RTN4: variants seen among roughly 807,000 people sequenced by gnomAD.
The protein encoded by RTN4 is reticulon-4.
Under a neutral mutation model 90.4 loss-of-function variants are expected in RTN4, and 32 were observed. The ratio of observed to expected loss-of-function variants is 0.35; its 90% CI spans 0.27 to 0.48. The LOEUF (loss-of-function observed/expected upper bound fraction) is 0.48. Ranked by LOEUF, RTN4 falls within the 20% of genes least tolerant of loss-of-function variation. RTN4 has a pLI of 0.99. For missense variants in RTN4, 1,706 were observed against 1,430.2 expected, an observed-to-expected ratio of 1.19 and a Z score of -3.11; for synonymous variants, 629 against 552.5, an observed-to-expected ratio of 1.14 and a Z score of -1.94.
intron 2 of RTN4, among the ~76,000 whole-genome samples, chr2:55,071,047 A>T (rs1668503395): frequency 6.8e-6 from 1 of 148,060 alleles, no homozygotes; most frequent in African/African-American, 2.5e-5. Context: ...AAGTGCTGGG[A>T]TTACAGGCGT....
chr2:55,071,365 G>A (rs990307881), intron 2 of RTN4, among the ~76,000 whole-genome samples: 2 of 151,792 alleles, frequency 1.3e-5, no homozygotes, highest in Admixed American at 6.6e-5. Context: ...AACAACGAAA[G>A]GAGATGGAAA....
Position 55,026,589 on chromosome 2 carries a change from T to C in RTN4, c.1510A>G (p.Ile504Val). ...EKKIEEKKAQIVTEKNTSTKT... is the reference protein window; with the variant it reads ...EKKIEEKKAQVVTEKNTSTKT... ...GTGCTAGTATTCTTCTCTGTTACTA[T>C]TTGGGCCTTCTTTTCTTCTATTTTT... Residue 504 changes from isoleucine (I) to valine (V), a missense_variant, in exon 3 of 9, where the codon ATA becomes GTA. Transcript: ENST00000337526. 1.2e-6 allele frequency: 2 copies of C among 1,612,584 alleles called. No individual in the cohort carries two copies. The highest frequency in any genetic ancestry group is 1.7e-4 in the Middle Eastern group (1 of 6,056).
At chr2:54,983,252 T>G (rs569654704) in intron 4 of RTN4, among the ~76,000 whole-genome samples, 2 of 152,036 alleles carry the variant, frequency 1.3e-5, no homozygotes, top group Non-Finnish European at 2.9e-5. Context: ...ACATAAGAGT[T>G]ACATCATCTA....
rs936123936 is a variant in RTN4, at chr2:55,025,584, C to A, written c.2515G>T (p.Val839Phe). The A allele has an allele frequency of 1.9e-6, 3 of 1,613,684 alleles. No homozygotes were observed. The highest frequency in any genetic ancestry group is 1.1e-5 in the South Asian group (1 of 91,056). ...PLQMEELSTAVYSNDDLFISK... is the reference protein window; with the variant it reads ...PLQMEELSTAFYSNDDLFISK... ...ATAAATAAGTCATCATTTGAATAAA[C>A]TGCAGTACTGAGCTCCTCCATCTGC... is the stretch of plus-strand genomic sequence containing the variant. The change falls in exon 3 of 9, where the codon GTT becomes TTT. Residue 839 changes from valine (V) to phenylalanine (F), a missense_variant. Physicochemically the swap from Val to Phe is conservative, Grantham distance 50. Coordinates refer to ENST00000337526, the MANE Select transcript of RTN4 (RefSeq NM_020532.5).
chr2:55,000,102 T>A (rs1679744735), intron 3 of RTN4, among the ~76,000 whole-genome samples: 1 of 152,132 alleles, frequency 6.6e-6, no homozygotes, highest in South Asian at 2.1e-4. Context: ...ACACTGGTAC[T>A]AAAGCTCAAG....
upstream of RTN4, among the ~76,000 whole-genome samples, chr2:55,113,169 G>A (rs995988843): frequency 6.6e-6 from 1 of 152,164 alleles, no homozygotes; most frequent in Non-Finnish European, 1.5e-5. Flanking sequence ...AAAATAAAAA[G>A]GCCACCACCA....
chr2:55,125,913 T>C, the RTN4 span, among the ~76,000 whole-genome samples: 1 of 149,954 alleles, frequency 6.7e-6, no homozygotes, highest in African/African-American at 2.5e-5. Flanking sequence ...TACAAAAAAT[T>C]AGCCAGGCAT....
At chr2:54,986,136 A>C (rs1358891456) in intron 4 of RTN4, among the ~76,000 whole-genome samples, 1 of 152,192 alleles carries the variant, frequency 6.6e-6, no homozygotes, top group Non-Finnish European at 1.5e-5. Context: ...GGTAAATGAG[A>C]GACAAGACAA....
At chr2:55,084,680 G>C (rs72914511) in intron 1 of RTN4, among the ~76,000 whole-genome samples, 3 of 152,134 alleles carry the variant, frequency 2.0e-5, no homozygotes, top group African/African-American at 7.2e-5. Context: ...ACTAGAGTAA[G>C]TGTCAGAACT....
At chr2:55,028,460 T>C (rs771243513) in intron 1 of RTN4, among the ~76,000 whole-genome samples, 3 of 152,210 alleles carry the variant, frequency 2.0e-5, no homozygotes, top group African/African-American at 7.2e-5. Context: ...CAAGAGGCAA[T>C]ACAACCTGTT....
chr2:55,111,874 G>A (rs1009178911), intron 1 of RTN4, among the ~76,000 whole-genome samples: 1 of 152,128 alleles, frequency 6.6e-6, no homozygotes, highest in Non-Finnish European at 1.5e-5. Context: ...CCTGCCTTGT[G>A]ACCAGCTCTG....
chr2:55,004,133 T>G (rs1018197753), intron 3 of RTN4, among the ~76,000 whole-genome samples: 13 of 152,162 alleles, frequency 8.5e-5, no homozygotes, highest in Non-Finnish European at 1.9e-4. Flanking sequence ...TGACAATACC[T>G]GTACTAAATG....
At chr2:54,980,500 C>G (rs1678031601) in intron 5 of RTN4, among the ~76,000 whole-genome samples, 3 of 152,164 alleles carry the variant, frequency 2.0e-5, no homozygotes, top group Non-Finnish European at 1.5e-5. Context: ...TAGATTTATT[C>G]AAGAATGACA....
chr2:55,025,672 G>A lies in RTN4; in HGVS notation c.2427C>T (p.Asn809=). Reference sequence around the variant, plus strand: ...CATCAGGTAACAGGGTATCTTTTGTGTTATCTAAACTGAGCTTAAAAGATT... The same window carrying A: ...CATCAGGTAACAGGGTATCTTTTGTATTATCTAAACTGAGCTTAAAAGATT... The part of the protein sequence containing the change: ...YLESFKLSLD[N]TKDTLLPDEV... The change falls in exon 3 of 9, where the codon AAC becomes AAT. Residue 809 remains asparagine (N), a synonymous_variant. Transcript: ENST00000337526. 6.2e-7 allele frequency: 1 copy of A among 1,613,808 alleles called. No individual in the cohort carries two copies.
At chr2:55,126,442 T>C in the RTN4 span, among the ~76,000 whole-genome samples, 1 of 150,854 alleles carries the variant, frequency 6.6e-6, no homozygotes, top group East Asian at 1.9e-4. Context: ...ATATCACTGA[T>C]CATTAGAGAA....
chr2:55,028,292 C>A (rs1682058696), intron 1 of RTN4, 72 bp from the exon 2 acceptor site: 3 of 1,359,338 alleles, frequency 2.2e-6, no homozygotes, highest in Non-Finnish European at 3.1e-6. Flanking sequence ...ATAAGAGGAG[C>A]AAGCCAGGGT....
In RTN4 at chr2:55,027,095, A is replaced by G. The variant is rs1222333988; in HGVS notation, c.1004T>C (p.Val335Ala). Residue 335 changes from valine (V) to alanine (A), a missense_variant, in exon 3 of 9, where the codon GTT becomes GCT. Transcript: ENST00000337526. ...TTGATTATGAAGGATGTTATTACTA[A>G]CTAACTTCTCTTCTTCATCTTTATT... is the stretch of plus-strand genomic sequence containing the variant. ...VKNKDEEEKLVSNNILHNQQE... is the reference protein window; with the variant it reads ...VKNKDEEEKLASNNILHNQQE... 6.2e-7 allele frequency: 1 copy of G among 1,613,196 alleles called. No homozygotes were observed. Among genetic ancestry groups the G allele is most frequent in the South Asian group, 1.1e-5 (1 of 91,058 alleles).
intron 3 of RTN4, among the ~76,000 whole-genome samples, chr2:55,009,451 A>G (rs1269369900): frequency 6.6e-6 from 1 of 152,142 alleles, no homozygotes; most frequent in East Asian, 1.9e-4. Flanking sequence ...CTGGGCTTTC[A>G]AGGGGGAGGA....
At chr2:54,995,276 A>C (rs562804345) in intron 3 of RTN4, among the ~76,000 whole-genome samples, 1 of 152,164 alleles carries the variant, frequency 6.6e-6, no homozygotes, top group South Asian at 2.1e-4. Flanking sequence ...GACTCAAAAC[A>C]CTTCTACTAT....
Sources: allele counts gnomAD v4.1 joint callset (sites outside exome capture counted in the v4.1 genomes callset), GRCh38; gene constraint gnomAD v4.1.1; transcripts MANE v1.5; gene names NCBI Gene and HGNC (gene_info 2026-07-23, HGNC 2026-07-21).